Variants in CDKL1 observed in about 807,000 individuals in gnomAD.
CDKL1 encodes cyclin-dependent kinase-like 1.
In CDKL1, 41 loss-of-function variants were observed where a neutral mutation model predicts 42.0. That is an observed-to-expected ratio of 0.98 (90% confidence interval 0.76 to 1.27). The LOEUF (loss-of-function observed/expected upper bound fraction) is 1.27. Ranked by LOEUF, CDKL1 falls within the 50% of genes most tolerant of loss-of-function variation. The pLI is 0.00. For synonymous variants in CDKL1, 153 were observed against 158.6 expected, an observed-to-expected ratio of 0.96 and a Z score of 0.26; for missense variants, 394 against 428.4, an observed-to-expected ratio of 0.92 and a Z score of 0.71.
At chr14:50,343,098 C>A in intron 4 of CDKL1, 1 of 1,220,808 alleles carries the variant, frequency 8.2e-7, no homozygotes. Context: ...ACATGATTTT[C>A]TCATTAAATG....
At chr14:50,368,678 C>T (rs926835161) in intron 2 of CDKL1, among the ~76,000 whole-genome samples, 1 of 152,078 alleles carries the variant, frequency 6.6e-6, no homozygotes, top group African/African-American at 2.4e-5. Flanking sequence ...CAGAGCCCTA[C>T]CTGGTTTCCC....
At chr14:50,335,566 A>G in intron 7 of CDKL1, 1 of 1,535,842 alleles carries the variant, frequency 6.5e-7, no homozygotes, top group Non-Finnish European at 8.7e-7. Context: ...TAACACTATA[A>G]ATGGGAGGAA....
At chr14:50,391,750 G>C (rs952636654) in intron 2 of CDKL1, among the ~76,000 whole-genome samples, 1 of 152,036 alleles carries the variant, frequency 6.6e-6, no homozygotes, top group South Asian at 2.1e-4. Context: ...TCAAGGTCAC[G>C]GGTCCAGCAA....
At chr14:50,373,212 T>C (rs1338665202) in intron 2 of CDKL1, among the ~76,000 whole-genome samples, 2 of 152,172 alleles carry the variant, frequency 1.3e-5, no homozygotes, top group African/African-American at 4.8e-5. Flanking sequence ...CTGGGAAATA[T>C]TTGTTAAAGT....
chr14:50,376,446 C>T (rs1305153846), intron 2 of CDKL1: 4 of 468,916 alleles, frequency 8.5e-6, no homozygotes, highest in Non-Finnish European at 1.8e-5. Flanking sequence ...TATGAAACAA[C>T]ATGAACATCC....
rs2033145551 is a variant in CDKL1, at chr14:50,334,493, T to C, written c.795+72A>G. The C allele has an allele frequency of 7.0e-5, 61 of 873,174 alleles. No individual in the cohort carries two copies. The South Asian group carries it at 8.4e-4, about 12-fold the overall frequency. 54.1% of individuals were successfully genotyped at this position (873,174 alleles called of 1,614,324 possible). On this transcript the variant is annotated intron_variant, in intron 8 of 9. Coordinates refer to ENST00000395834, the MANE Select transcript of CDKL1 (RefSeq NM_004196.7). ...ACACTTTTCATTGCATGGATTGACATAAGTAATTCAGATTCCCCAGTGATG... is the reference window on the plus strand; with the variant it reads ...ACACTTTTCATTGCATGGATTGACACAAGTAATTCAGATTCCCCAGTGATG...
At chr14:50,342,867 A>G (rs1169399792) in intron 4 of CDKL1, 2 of 1,257,316 alleles carry the variant, frequency 1.6e-6, no homozygotes, top group African/African-American at 3.2e-5. Context: ...TCTGACATTC[A>G]TCCGGACAAG....
Position 50,327,940 on chromosome 14 carries a change from T to G in CDKL1, c.*2134A>C, listed in dbSNP as rs1016230666. The stretch of plus-strand genomic sequence containing the variant: ...TCAGAAAATAGTAAATAAAAGGATG[T>G]GGAAGAGTCTCATGTGATACAGTGG... On this transcript the variant is annotated 3_prime_UTR_variant, in exon 10 of 10. Coordinates refer to ENST00000395834, the MANE Select transcript of CDKL1 (RefSeq NM_004196.7). 18 of 152,260 alleles carry G rather than the reference T, an allele frequency of 1.2e-4. No homozygotes were observed. The highest frequency in any genetic ancestry group is 7.7e-4 in the East Asian group (4 of 5,186). 9.4% of individuals were successfully genotyped at this position (152,260 alleles called of 1,614,324 possible). A position where few individuals can be genotyped will look rare whatever the true frequency, so the allele number is the denominator to read the frequency against.
chr14:50,374,077 G>A (rs952944310), intron 2 of CDKL1, among the ~76,000 whole-genome samples: 17 of 152,130 alleles, frequency 1.1e-4, no homozygotes, highest in African/African-American at 2.9e-4. Flanking sequence ...TTCATATAAC[G>A]TGATATCATC....
chr14:50,349,088 G>A (rs949987860), intron 3 of CDKL1, among the ~76,000 whole-genome samples: 2 of 152,162 alleles, frequency 1.3e-5, no homozygotes, highest in African/African-American at 4.8e-5. Flanking sequence ...ACACTCATGA[G>A]TTTCATAATC....
intron 2 of CDKL1, among the ~76,000 whole-genome samples, chr14:50,370,025 CTT>C (rs112624842): frequency 6.6e-6 from 1 of 150,438 alleles, no homozygotes; most frequent in African/African-American, 2.4e-5. Context: ...AAATACTTAC[CTT>C]TTTTTTTGTG....
In CDKL1 at chr14:50,384,612, A is replaced by G. The variant is rs143701791; in HGVS notation, c.168+11089T>C. Among the ~76,000 whole-genome samples the G allele has an allele frequency of 5.2e-3, 788 of 151,290 alleles. 7 individuals carry two copies. The highest frequency in any genetic ancestry group is 0.018 in the African/African-American group (746 of 41,152). ...ACAGTGATGGTGTGTAACATATTGA[A>G]TTTTTAAAAATCCATGAATCCACAG... On this transcript the variant is annotated intron_variant, in intron 2 of 9. Coordinates refer to ENST00000395834, the MANE Select transcript of CDKL1 (RefSeq NM_004196.7).
chr14:50,374,677 A>G (rs2034680339), intron 2 of CDKL1, among the ~76,000 whole-genome samples: 1 of 152,248 alleles, frequency 6.6e-6, no homozygotes, highest in Non-Finnish European at 1.5e-5. Context: ...ATAAAGATAC[A>G]GATGATTACA....
chr14:50,331,687 A>C (rs970945960), intron 9 of CDKL1: 11 of 246,710 alleles, frequency 4.5e-5, no homozygotes, highest in African/African-American at 2.2e-4. Context: ...CTTTTGGCTT[A>C]TCACAAGATG....
chr14:50,390,787 TTCCACGACAGGGCCTGTGATGC>T (rs1292723737), intron 2 of CDKL1, among the ~76,000 whole-genome samples: 3 of 152,214 alleles, frequency 2.0e-5, no homozygotes, highest in African/African-American at 7.2e-5. Flanking sequence ...ACTGCCCACT[TTCCACGACAGGGCCTGTGATGC>T]TCCAGCCCAT....
chr14:50,331,786 A>G, intron 9 of CDKL1: 1 of 521,048 alleles, frequency 1.9e-6, no homozygotes, highest in Non-Finnish European at 3.4e-6. Context: ...AAATGTATTC[A>G]GCTGATACCA....
chr14:50,385,707 A>G (rs536754825), intron 2 of CDKL1, among the ~76,000 whole-genome samples: 5 of 151,462 alleles, frequency 3.3e-5, no homozygotes, highest in East Asian at 3.9e-4. Flanking sequence ...GGGAGGCTGA[A>G]GCACGAGAAT....
chr14:50,385,070 C>CAAAAAAAAAAAAAAAAAAA (rs55719234), intron 2 of CDKL1, among the ~76,000 whole-genome samples: 2 of 93,556 alleles, frequency 2.1e-5, no homozygotes, highest in Admixed American at 1.3e-4. Flanking sequence ...GACTCTGTCT[C>CAAAAAAAAAAAAAAAAAAA]AAAAAAAAAA....
At chr14:50,380,524 C>T (rs907616211) in intron 2 of CDKL1, among the ~76,000 whole-genome samples, 1 of 152,256 alleles carries the variant, frequency 6.6e-6, no homozygotes, top group Non-Finnish European at 1.5e-5. Flanking sequence ...CAGCAGTTCA[C>T]ACTCACTGTC....
Sources: gnomAD v4.1 joint callset for allele counts (sites outside exome capture counted in the v4.1 genomes callset) on GRCh38, gnomAD v4.1.1 for gene constraint, MANE v1.5 for transcripts, NCBI Gene and HGNC (gene_info 2026-07-23, HGNC 2026-07-21) for gene names.